Variants in OVCH2 observed in about 807,000 individuals in gnomAD.
OVCH2 encodes ovochymase-2.
OVCH2 carries 88 observed loss-of-function variants against 73.7 expected under a neutral mutation model. The observed-to-expected ratio is 1.19, with a 90% CI of 1.01 to 1.43. The LOEUF (loss-of-function observed/expected upper bound fraction) is 1.43. Among genes scored for constraint, OVCH2 ranks in the 40% most tolerant of loss-of-function variants. The probability of loss-of-function intolerance (pLI) is 0.00; values close to 1 mark genes in which losing one functional copy is unlikely to be tolerated. For synonymous variants in OVCH2, 265 were observed against 234.5 expected (o/e 1.13, Z -1.19); for missense variants, 706 against 674.5 (o/e 1.05, Z -0.52).
At chr11:7,697,515 G>A (rs924926933) in intron 8 of OVCH2, among the ~76,000 whole-genome samples, 11 of 151,976 alleles carry the variant, frequency 7.2e-5, no homozygotes, top group African/African-American at 2.2e-4. Flanking sequence ...TTTTTATGAC[G>A]GTTTCCTAGC....
intron 8 of OVCH2, among the ~76,000 whole-genome samples, chr11:7,698,157 A>T (rs539946898): frequency 2.7e-4 from 41 of 152,262 alleles, no homozygotes; most frequent in African/African-American, 9.9e-4. Context: ...TCTGTGCATC[A>T]GAGCTCCCCT....
intron 14 of OVCH2, among the ~76,000 whole-genome samples, chr11:7,690,385 G>A (rs901559311): frequency 1.3e-5 from 2 of 152,090 alleles, no homozygotes; most frequent in Non-Finnish European, 2.9e-5. Context: ...ACTTGCTTGT[G>A]GCCAAGTGTA....
chr11:7,698,865 T>G (rs1404343016), intron 7 of OVCH2, 92 bp from the exon 8 acceptor site: 1 of 1,369,040 alleles, frequency 7.3e-7, no homozygotes, highest in Non-Finnish European at 1.0e-6. Context: ...ACAAGAGATT[T>G]TTAAGTCAAT....
chr11:7,681,820 T>A, the OVCH2 span, among the ~76,000 whole-genome samples: 2 of 124,612 alleles, frequency 1.6e-5, no homozygotes, highest in African/African-American at 3.1e-5. Flanking sequence ...GGAGAAAAGC[T>A]GGCTTCCAGG....
At chr11:7,701,894 G>T in intron 4 of OVCH2, 83 bp from the exon 5 acceptor site, 1 of 1,195,074 alleles carries the variant, frequency 8.4e-7, no homozygotes, top group Non-Finnish European at 1.2e-6. Flanking sequence ...TATCCAGGTG[G>T]TCCCCTAAAG....
At chr11:7,692,694 C>G (rs1201726275) in intron 12 of OVCH2, among the ~76,000 whole-genome samples, 1 of 152,132 alleles carries the variant, frequency 6.6e-6, no homozygotes, top group East Asian at 1.9e-4. Context: ...TTAGAGAGAG[C>G]TGATTTTGGA....
chr11:7,706,384 C>T lies in OVCH2; in HGVS notation c.11G>A (p.Ser4Asn), dbSNP rs1322142708. 6.4e-7 allele frequency: 1 copy of T among 1,573,958 alleles called. No homozygotes were observed. Among genetic ancestry groups the T allele is most frequent in the Non-Finnish European group, 8.6e-7 (1 of 1,157,610 alleles). MLI[S>N]RNKLILLLGI... Reference sequence around the variant, plus strand: ...TAGTAGTAAAATCAGCTTGTTCCTGCTTATAAGCATTTTGAGACTCATAGT... The same window carrying T: ...TAGTAGTAAAATCAGCTTGTTCCTGTTTATAAGCATTTTGAGACTCATAGT... Residue 4 changes from serine to asparagine, a missense_variant, in exon 1 of 16, where the codon AGC becomes AAC. By Grantham distance (46) the Ser-to-Asn change is conservative (BLOSUM62 1). Transcript: ENST00000533663.
At chr11:7,691,565 T>C (rs560684687) in intron 13 of OVCH2, among the ~76,000 whole-genome samples, 165 bp from the exon 14 acceptor site, 1 of 152,196 alleles carries the variant, frequency 6.6e-6, no homozygotes, top group South Asian at 2.1e-4. Context: ...ATTAACCCCA[T>C]GACATTTCAA....
intron 2 of OVCH2, among the ~76,000 whole-genome samples, chr11:7,704,202 C>A (rs936496695): frequency 4.6e-5 from 7 of 152,118 alleles, no homozygotes; most frequent in African/African-American, 1.7e-4. Context: ...GCTGGGGAGC[C>A]TTTCAACACA....
chr11:7,693,357 G>A (rs1176496512), intron 12 of OVCH2, among the ~76,000 whole-genome samples: 3 of 152,164 alleles, frequency 2.0e-5, no homozygotes, highest in Admixed American at 6.5e-5. Context: ...TACTTTCTGG[G>A]AAGGGGCCCT....
At chr11:7,694,833 A>G (rs540535926) in intron 12 of OVCH2, among the ~76,000 whole-genome samples, 2 of 135,294 alleles carry the variant, frequency 1.5e-5, no homozygotes, top group Middle Eastern at 4.1e-3. Flanking sequence ...TTTTAAAGTA[A>G]GGAGCACAGT....
At chr11:7,702,096 A>G in intron 4 of OVCH2, 61 bp downstream of exon 4, 1 of 1,423,554 alleles carries the variant, frequency 7.0e-7, no homozygotes, top group Non-Finnish European at 9.8e-7. Context: ...GAAATGTGCT[A>G]TGGCACAGAG....
rs776706288 is a variant in OVCH2 at position 7,701,804 on chromosome 11, A to G, written c.471T>C (p.Phe157=). The change falls in exon 5 of 16, where the codon TTT becomes TTC. Residue 157 remains phenylalanine (F), a synonymous_variant. Coordinates refer to ENST00000533663, the MANE Select transcript of OVCH2 (RefSeq NM_198185.7). ...GCTCTGGAAGACATATGGGCCCCACAAAGTGGCCTGAAGAAAAGAGCAAGG... is the reference window on the plus strand; with the variant it reads ...GCTCTGGAAGACATATGGGCCCCACGAAGTGGCCTGAAGAAAAGAGCAAGG... ...KMAGAFQFGH[F]VGPICLPELR... The G allele has an allele frequency of 5.3e-5, 86 of 1,610,184 alleles. 1 individual carries two copies. The Admixed American group carries it at 1.4e-3, about 26-fold the overall frequency.
At chr11:7,695,252 C>G (rs1856307140) in intron 11 of OVCH2, 64 bp from the exon 12 acceptor site, 1 of 1,473,446 alleles carries the variant, frequency 6.8e-7, no homozygotes, top group Middle Eastern at 1.7e-4. Context: ...TCTCACTGCT[C>G]TCCCTCCTGT....
chr11:7,690,004 T>G lies in OVCH2; in HGVS notation c.1649A>C (p.Asp550Ala). 6.6e-7 allele frequency: 1 copy of G among 1,520,126 alleles called. No homozygotes were observed. Among genetic ancestry groups the G allele is most frequent in the Non-Finnish European group, 8.8e-7 (1 of 1,132,496 alleles). 94.2% of individuals were successfully genotyped at this position (1,520,126 alleles called of 1,614,324 possible). Reference protein sequence around the residue: ...VSFIPKAVYPDLNISISEDES... With the variant: ...VSFIPKAVYPALNISISEDES... ...ATCCTCTGATATGGAGATGTTTAAA[T>G]CTGGGTATACTGGGTATAAGTATGA... Residue 550 changes from aspartate to alanine, a missense_variant, in exon 15 of 16, where the codon GAT becomes GCT. Transcript: ENST00000533663.
chr11:7,696,405 T>C (rs2136155774), intron 10 of OVCH2, 60 bp downstream of exon 10: 1 of 1,599,890 alleles, frequency 6.3e-7, no homozygotes, highest in African/African-American at 1.3e-5. Flanking sequence ...ATAAGATAAC[T>C]AGGCCTCATT....
At chr11:7,699,580 TTTTA>T (rs1429003523) in intron 7 of OVCH2, 2 of 152,344 alleles carry the variant, frequency 1.3e-5, no homozygotes, top group African/African-American at 2.4e-5. Context: ...TTTTTATTGT[TTTTA>T]TTTTTCTCCA....
rs752104837 is a variant in OVCH2, at chr11:7,696,552, G to A, written c.1054C>T (p.His352Tyr). Residue 352 changes from histidine to tyrosine, a missense_variant, in exon 10 of 16, where the codon CAT becomes TAT. By Grantham distance (83) the His-to-Tyr change is moderately conservative. Coordinates refer to ENST00000533663, the MANE Select transcript of OVCH2 (RefSeq NM_198185.7). ...AGGTGGGAAAAACTGAGCAACACATGCATTTCCTCTGGTACCAGCAGGGTC... is the reference window on the plus strand; with the variant it reads ...AGGTGGGAAAAACTGAGCAACACATACATTTCCTCTGGTACCAGCAGGGTC... ...VWTLLVPEEMHVLLSFSHLDV... is the reference protein window; with the variant it reads ...VWTLLVPEEMYVLLSFSHLDV... 2 of 1,614,010 alleles carry A rather than the reference G, an allele frequency of 1.2e-6. No individual in the cohort carries two copies. The highest frequency in any genetic ancestry group is 1.7e-5 in the Admixed American group (1 of 60,024).
chr11:7,696,503 C>T lies in OVCH2; in HGVS notation c.1103G>A (p.Ser368Asn), dbSNP rs535479109. Reference sequence around the variant, plus strand: ...TTCTAAAGAATACATTGACAGGTAACTGTGGTGACAAGACTCAACATCTAG... The same window carrying T: ...TTCTAAAGAATACATTGACAGGTAATTGTGGTGACAAGACTCAACATCTAG... Reference protein sequence around the residue: ...SHLDVESCHHSYLSMYSLEDR... With the variant: ...SHLDVESCHHNYLSMYSLEDR... The change falls in exon 10 of 16, where the codon AGT becomes AAT. Residue 368 changes from serine to asparagine, a missense_variant. Transcript: ENST00000533663. 19 of 1,613,888 alleles carry T rather than the reference C, an allele frequency of 1.2e-5. No individual in the cohort carries two copies. The South Asian group carries it at 2.1e-4, about 18-fold the overall frequency.
Sources: gnomAD v4.1 joint callset for allele counts (sites outside exome capture counted in the v4.1 genomes callset) on GRCh38, gnomAD v4.1.1 for gene constraint, MANE v1.5 for transcripts, NCBI Gene and HGNC (gene_info 2026-07-23, HGNC 2026-07-21) for gene names.